Variants in SPTBN1 observed in about 807,000 individuals in gnomAD.
SPTBN1 encodes the protein spectrin beta chain, non-erythrocytic 1.
Under a neutral mutation model 266.4 loss-of-function variants are expected in SPTBN1, and 32 were observed. That is an observed-to-expected ratio of 0.12 (90% confidence interval 0.09 to 0.16). The LOEUF is 0.16. Ranked by LOEUF, SPTBN1 falls within the 10% of genes least tolerant of loss-of-function variation. The probability of loss-of-function intolerance (pLI) is 1.00; values close to 1 mark genes in which losing one functional copy is unlikely to be tolerated. For missense variants in SPTBN1, 2,296 were observed against 3,067.1 expected (o/e 0.75, Z 5.94); for synonymous variants, 1,336 against 1,162.2 (o/e 1.15, Z -3.04).
At chr2:54,469,577 G>C (rs1693812888) in intron 1 of SPTBN1, among the ~76,000 whole-genome samples, 1 of 152,168 alleles carries the variant, frequency 6.6e-6, no homozygotes, top group Non-Finnish European at 1.5e-5. Context: ...CTGAAGCCTG[G>C]TGTAGGAGTC....
chr2:54,650,626 C>G (rs1303723541), intron 26 of SPTBN1, among the ~76,000 whole-genome samples: 1 of 152,070 alleles, frequency 6.6e-6, no homozygotes, highest in Non-Finnish European at 1.5e-5. Flanking sequence ...AAGATGTTAT[C>G]CCTGATTATG....
At chr2:54,466,998 A>T (rs1437586685) in intron 1 of SPTBN1, among the ~76,000 whole-genome samples, 1 of 152,046 alleles carries the variant, frequency 6.6e-6, no homozygotes, top group African/African-American at 2.4e-5. Context: ...AAGCTCTAAG[A>T]ACTGGCCGAG....
At chr2:54,666,404 A>C (rs1396336191) in intron 34 of SPTBN1, among the ~76,000 whole-genome samples, 2 of 152,224 alleles carry the variant, frequency 1.3e-5, no homozygotes, top group African/African-American at 4.8e-5. Flanking sequence ...AGTTTAAGGG[A>C]GGCTTTGAAA....
chr2:54,479,902 C>T (rs1668016262), intron 1 of SPTBN1, among the ~76,000 whole-genome samples: 1 of 151,880 alleles, frequency 6.6e-6, no homozygotes, highest in Admixed American at 6.6e-5. Flanking sequence ...ACTGTGTTGC[C>T]CAGGCTGGCC....
chr2:54,660,500 C>G (rs1455256124), intron 32 of SPTBN1: 12 of 986,908 alleles, frequency 1.2e-5, no homozygotes, highest in Non-Finnish European at 1.4e-5. Flanking sequence ...TTACTATTAA[C>G]TAGGAAGACT....
intron 1 of SPTBN1, among the ~76,000 whole-genome samples, chr2:54,514,658 A>T (rs1670021467): frequency 6.6e-6 from 1 of 152,230 alleles, no homozygotes; most frequent in African/African-American, 2.4e-5. Flanking sequence ...AATGGGACCC[A>T]TGATATGTGA....
chr2:54,565,397 A>C (rs1272590425), intron 2 of SPTBN1, among the ~76,000 whole-genome samples: 1 of 152,190 alleles, frequency 6.6e-6, no homozygotes, highest in Non-Finnish European at 1.5e-5. Context: ...GTCCTGCTTA[A>C]ATTAGAGAAG....
intron 1 of SPTBN1, among the ~76,000 whole-genome samples, chr2:54,457,896 G>C (rs898691614): frequency 6.6e-6 from 1 of 152,266 alleles, no homozygotes; most frequent in Non-Finnish European, 1.5e-5. Context: ...TGCATCACCA[G>C]TGCAGGCAGA....
chr2:54,539,226 CT>C (rs1229942058), intron 2 of SPTBN1, among the ~76,000 whole-genome samples: 1 of 152,162 alleles, frequency 6.6e-6, no homozygotes, highest in East Asian at 1.9e-4. Flanking sequence ...TGCACCTCTG[CT>C]TTTTATTGAG....
chr2:54,558,882 T>C lies in SPTBN1; in HGVS notation c.148+32316T>C. Reference sequence around the variant, plus strand: ...CAGCTGGAAGGCAGATTCAAGCAGCTGCAAGGTAAGCCCCCTCCCAAAGGC... The same window carrying C: ...CAGCTGGAAGGCAGATTCAAGCAGCCGCAAGGTAAGCCCCCTCCCAAAGGC... On this transcript the variant is annotated intron_variant, in intron 2 of 35. Coordinates refer to ENST00000356805, the MANE Select transcript of SPTBN1 (RefSeq NM_003128.3). The surrounding 1 kb of genome is among the most constrained non-coding windows in gnomAD (Gnocchi z 4.6). The C allele has an allele frequency of 6.2e-7, 1 of 1,613,392 alleles. No homozygotes were observed. The highest frequency in any genetic ancestry group is 8.5e-7 in the Non-Finnish European group (1 of 1,179,598).
At chr2:54,668,326 C>T (rs1681511587) in intron 35 of SPTBN1, 25 bp from the exon 36 acceptor site, 1 of 1,611,504 alleles carries the variant, frequency 6.2e-7, no homozygotes, top group East Asian at 2.2e-5. Flanking sequence ...AGTTGAGTCT[C>T]ACCTGTGTCC....
chr2:54,539,899 C>A (rs1054300953), intron 2 of SPTBN1, among the ~76,000 whole-genome samples: 4 of 152,144 alleles, frequency 2.6e-5, no homozygotes, highest in Non-Finnish European at 5.9e-5. Context: ...CACTCAAACT[C>A]ATATGGTGAA....
chr2:54,621,391 G>T lies in SPTBN1; in HGVS notation c.764-9G>T. On this transcript the variant is annotated splice_polypyrimidine_tract_variant and intron_variant, in intron 7 of 35. Transcript: ENST00000356805. Reference sequence around the variant, plus strand: ...CAACACACTGAACAGAGTCTTCTCTGGGTTACAGACATCAGCGTGGACCAT... The same window carrying T: ...CAACACACTGAACAGAGTCTTCTCTTGGTTACAGACATCAGCGTGGACCAT... 6.2e-7 allele frequency: 1 copy of T among 1,609,590 alleles called. No homozygotes were observed. The highest frequency in any genetic ancestry group is 8.5e-7 in the Non-Finnish European group (1 of 1,176,140).
At position 54,670,309 on chromosome 2, in the gene SPTBN1, C is replaced by A; in HGVS notation, c.*1740C>A. The A allele has an allele frequency of 2.5e-5, 4 of 157,572 alleles. No homozygotes were observed. The highest frequency in any genetic ancestry group is 4.2e-5 in the Non-Finnish European group (3 of 71,948). The allele number at this position is 157,572 out of a possible 1,614,324, so 9.8% of individuals were successfully genotyped here. A position where few individuals can be genotyped will look rare whatever the true frequency, so the allele number is the denominator to read the frequency against. Reference sequence around the variant, plus strand: ...GGTTATTTACAAGTGACATACTTTTCCTGGGTTATCTGGGTATGTTGACTC... The same window carrying A: ...GGTTATTTACAAGTGACATACTTTTACTGGGTTATCTGGGTATGTTGACTC... On this transcript the variant is annotated 3_prime_UTR_variant, in exon 36 of 36. Transcript: ENST00000356805.
chr2:54,506,090 C>T (rs1430568488), intron 1 of SPTBN1, among the ~76,000 whole-genome samples: 1 of 151,946 alleles, frequency 6.6e-6, no homozygotes, highest in Non-Finnish European at 1.5e-5. Flanking sequence ...CGCCACTGCA[C>T]TCCAGCCTGG....
chr2:54,556,141 C>T (rs1181841954), intron 2 of SPTBN1, among the ~76,000 whole-genome samples: 2 of 152,222 alleles, frequency 1.3e-5, no homozygotes, highest in Non-Finnish European at 2.9e-5. Flanking sequence ...TCTGGCCTTC[C>T]TTTACCTCCT....
rs182617170 is a variant in SPTBN1 at position 54,489,257 on chromosome 2, G to A, written c.-48+32739G>A. ...GATCACTTGAGCCCAGGAAGTTGAG[G>A]CTATAGTGAGCCATGATCATGCCAC... is the stretch of plus-strand genomic sequence containing the variant. On this transcript the variant is annotated intron_variant, in intron 1 of 35. Transcript: ENST00000356805. Among the ~76,000 whole-genome samples the A allele has an allele frequency of 1.2e-3, 181 of 151,100 alleles. No homozygotes were observed. In the Middle Eastern group the frequency reaches 0.017, roughly 14 times the overall value.
intron 2 of SPTBN1, among the ~76,000 whole-genome samples, chr2:54,597,643 C>T (rs1054358445): frequency 6.6e-6 from 1 of 152,168 alleles, no homozygotes; most frequent in Admixed American, 6.5e-5. Context: ...CAACCAATGT[C>T]ATCTCTGCCT....
rs1360724257 is a variant in SPTBN1, at chr2:54,664,791, G to A, written c.6659+100G>A. ...TGGAAGAGAAGTATGTGCTCATGTA[G>A]TTTTATTCCTTTGGTAGCTTCCTGG... On this transcript the variant is annotated intron_variant, in intron 33 of 35. Coordinates refer to ENST00000356805, the MANE Select transcript of SPTBN1 (RefSeq NM_003128.3). The surrounding 1 kb of genome is among the most constrained non-coding windows in gnomAD (Gnocchi z 5.6). 1 of 1,231,700 alleles carries A rather than the reference G, an allele frequency of 8.1e-7. No individual in the cohort carries two copies. Among genetic ancestry groups the A allele is most frequent in the East Asian group, 2.4e-5 (1 of 41,798 alleles). 76.3% of individuals were successfully genotyped at this position (1,231,700 alleles called of 1,614,324 possible).
Sources: allele counts gnomAD v4.1 joint callset (sites outside exome capture counted in the v4.1 genomes callset), GRCh38; gene constraint gnomAD v4.1.1; non-coding constraint Gnocchi (gnomAD v3.1); transcripts MANE v1.5; gene names NCBI Gene and HGNC (gene_info 2026-07-23, HGNC 2026-07-21).